Variants in GNB4 observed in about 807,000 individuals in gnomAD.
GNB4 encodes guanine nucleotide-binding protein subunit beta-4.
In GNB4, 28 loss-of-function variants were observed where a neutral mutation model predicts 45.2. That is an observed-to-expected ratio of 0.62 (90% confidence interval 0.46 to 0.85). GNB4 has a LOEUF of 0.85. GNB4 is among the 40% of genes least tolerant of loss of function. The pLI is 0.00. For synonymous variants in GNB4, 132 were observed against 143.7 expected (o/e 0.92, Z 0.58); for missense variants, 321 against 425.4 (o/e 0.75, Z 2.16).
the GNB4 span, among the ~76,000 whole-genome samples, chr3:179,507,941 T>C: frequency 0.055 from 8,363 of 152,218 alleles, 322 homozygotes; most frequent in Middle Eastern, 0.18. Flanking sequence ...GTTCTGGTGA[T>C]TGATAGACTG....
At chr3:179,421,896 A>G (rs992557886) in intron 2 of GNB4, among the ~76,000 whole-genome samples, 6 of 152,180 alleles carry the variant, frequency 3.9e-5, no homozygotes, top group African/African-American at 1.4e-4. Context: ...CCTATAATGA[A>G]GAGTTTCCAG....
At chr3:179,416,306 C>T (rs1176237696) in intron 5 of GNB4, among the ~76,000 whole-genome samples, 187 bp downstream of exon 5, 1 of 151,956 alleles carries the variant, frequency 6.6e-6, no homozygotes, top group African/African-American at 2.4e-5. Flanking sequence ...ATAGAGTCAT[C>T]TTTGGAAATG....
the GNB4 span, among the ~76,000 whole-genome samples, chr3:179,485,991 G>A: frequency 1.6e-4 from 24 of 152,024 alleles, no homozygotes; most frequent in East Asian, 1.9e-4. Flanking sequence ...TTGGGAGGCC[G>A]AGGCAGGTGA....
the GNB4 span, among the ~76,000 whole-genome samples, chr3:179,490,391 G>C: frequency 1.3e-5 from 2 of 152,084 alleles, no homozygotes; most frequent in African/African-American, 2.4e-5. Flanking sequence ...AGATAGAAGC[G>C]ATAGAAAATA....
At chr3:179,521,147 C>T in the GNB4 span, among the ~76,000 whole-genome samples, 1 of 152,174 alleles carries the variant, frequency 6.6e-6, no homozygotes, top group African/African-American at 2.4e-5. Flanking sequence ...GACACAGGGT[C>T]TAAGAAGGCG....
chr3:179,418,883 G>A (rs191831438), intron 4 of GNB4, among the ~76,000 whole-genome samples: 9 of 152,388 alleles, frequency 5.9e-5, no homozygotes, highest in South Asian at 2.1e-4. Context: ...GCAGCTGTGC[G>A]TGTGCCTGTG....
intron 1 of GNB4, among the ~76,000 whole-genome samples, chr3:179,435,905 C>G (rs1371573842): frequency 1.3e-5 from 2 of 152,146 alleles, no homozygotes; most frequent in Admixed American, 6.5e-5. Context: ...CCTTCTCACT[C>G]CATGTCTTAG....
At chr3:179,527,769 G>T in the GNB4 span, among the ~76,000 whole-genome samples, 1 of 145,116 alleles carries the variant, frequency 6.9e-6, no homozygotes, top group Admixed American at 7.2e-5. Context: ...GAAGATTGCT[G>T]ATAAGTGCGT....
chr3:179,527,469 C>T, the GNB4 span, among the ~76,000 whole-genome samples: 1 of 152,160 alleles, frequency 6.6e-6, no homozygotes, highest in African/African-American at 2.4e-5. Flanking sequence ...ATTTATTTAG[C>T]AATTTTACAT....
the GNB4 span, among the ~76,000 whole-genome samples, chr3:179,512,955 T>C: frequency 6.6e-6 from 1 of 152,160 alleles, no homozygotes; most frequent in Non-Finnish European, 1.5e-5. Flanking sequence ...CTCCTAATTG[T>C]CACTGAAAAG....
the GNB4 span, among the ~76,000 whole-genome samples, chr3:179,460,123 A>G: frequency 6.6e-6 from 1 of 152,200 alleles, no homozygotes; most frequent in East Asian, 1.9e-4. Context: ...GAATGACATT[A>G]ATCCTGCTTT....
intron 9 of GNB4, among the ~76,000 whole-genome samples, chr3:179,401,721 A>G (rs1475768416): frequency 5.9e-5 from 9 of 152,242 alleles, no homozygotes; most frequent in Admixed American, 5.9e-4. Flanking sequence ...AATGAAGTTC[A>G]CTGAAGGAGC....
chr3:179,471,467 G>A, the GNB4 span, among the ~76,000 whole-genome samples: 2 of 152,016 alleles, frequency 1.3e-5, no homozygotes, highest in East Asian at 1.9e-4. Flanking sequence ...AGATACACAC[G>A]TACTTACCAT....
At chr3:179,402,818 C>T (rs1714341452) in intron 9 of GNB4, among the ~76,000 whole-genome samples, 1 of 152,170 alleles carries the variant, frequency 6.6e-6, no homozygotes, top group Non-Finnish European at 1.5e-5. Flanking sequence ...GGAAAGTGTT[C>T]ATCAATCAGT....
At chr3:179,493,857 C>T in the GNB4 span, among the ~76,000 whole-genome samples, 1 of 152,118 alleles carries the variant, frequency 6.6e-6, no homozygotes, top group Non-Finnish European at 1.5e-5. Flanking sequence ...ACAGTCTGAT[C>T]TATGTAGAAG....
the GNB4 span, among the ~76,000 whole-genome samples, chr3:179,502,382 C>T: frequency 1.2e-4 from 18 of 151,648 alleles, no homozygotes; most frequent in South Asian, 1.3e-3. Flanking sequence ...TACAGGCACC[C>T]GCCACCATGC....
chr3:179,467,411 C>T, the GNB4 span, among the ~76,000 whole-genome samples: 1 of 152,076 alleles, frequency 6.6e-6, no homozygotes, highest in Non-Finnish European at 1.5e-5. Flanking sequence ...GGAAGTATAC[C>T]TTGGAAGGGA....
chr3:179,414,851 C>T (rs756766302), intron 6 of GNB4, 34 bp downstream of exon 6: 38 of 1,510,066 alleles, frequency 2.5e-5, no homozygotes, highest in Non-Finnish European at 3.4e-5. Flanking sequence ...CACAAGGAAT[C>T]GTGTGGTGGG....
the GNB4 span, among the ~76,000 whole-genome samples, chr3:179,498,557 T>C: frequency 6.6e-6 from 1 of 151,920 alleles, no homozygotes; most frequent in Non-Finnish European, 1.5e-5. Context: ...TTGCCTCAGC[T>C]CTGAGTAGCT....
Sources: allele counts gnomAD v4.1 joint callset (sites outside exome capture counted in the v4.1 genomes callset), GRCh38; gene constraint gnomAD v4.1.1; transcripts MANE v1.5; gene names NCBI Gene and HGNC (gene_info 2026-07-23, HGNC 2026-07-21).